Variants in RTEL1 observed in about 807,000 individuals in gnomAD.
RTEL1 encodes regulator of telomere length.
RTEL1 carries 86 observed loss-of-function variants against 162.2 expected under a neutral mutation model. The observed-to-expected ratio is 0.53, with a 90% CI of 0.45 to 0.63. RTEL1 has a LOEUF of 0.63. RTEL1 is among the 30% of genes least tolerant of loss of function. RTEL1 has a pLI of 0.00. For missense variants in RTEL1, 1,941 were observed against 1,750.2 expected (o/e 1.11, Z -1.95); for synonymous variants, 958 against 717.9 (o/e 1.33, Z -5.35).
intron 14 of RTEL1, among the ~76,000 whole-genome samples, chr20:63,682,881 C>T (rs937190497): frequency 1.3e-5 from 2 of 152,248 alleles, no homozygotes; most frequent in African/African-American, 4.8e-5. Context: ...GAACCAGTTG[C>T]CCCTGGGCCC....
At position 63,690,392 on chromosome 20, in the gene RTEL1, A is replaced by T; in HGVS notation, c.2364A>T (p.Lys788Asn). Reference sequence around the variant, plus strand: ...CTGGCCCCTTCTTCTCCACCAGGAAAGCTAAGAGTCTGGACCTGCATGTCC... The same window carrying T: ...CTGGCCCCTTCTTCTCCACCAGGAATGCTAAGAGTCTGGACCTGCATGTCC... ...KSPGPFFSTR[K>N]AKSLDLHVPS... The change falls in exon 26 of 35, where the codon AAA (lysine) becomes AAT (asparagine). Residue 788 changes from lysine to asparagine, a missense_variant. By Grantham distance (94) the Lys-to-Asn change is moderately conservative. Transcript: ENST00000360203. 6.2e-7 allele frequency: 1 copy of T among 1,610,344 alleles called. No individual in the cohort carries two copies. The highest frequency in any genetic ancestry group is 1.7e-4 in the Middle Eastern group (1 of 6,048).
chr20:63,666,671 G>T (rs898851503), intron 7 of RTEL1, among the ~76,000 whole-genome samples: 1 of 151,914 alleles, frequency 6.6e-6, no homozygotes, highest in African/African-American at 2.4e-5. Context: ...AAGTAGCCGG[G>T]ACTGCAGGCA....
In RTEL1 at chr20:63,694,359, A is replaced by G. The variant is rs370761526; in HGVS notation, c.2993-13A>G. 6.3e-6 allele frequency: 10 copies of G among 1,580,116 alleles called. No homozygotes were observed. The African/African-American group carries it at 9.5e-5, about 15-fold the overall frequency. On this transcript the variant is annotated splice_polypyrimidine_tract_variant and intron_variant, in intron 30 of 34. Coordinates refer to ENST00000360203, the MANE Select transcript of RTEL1 (RefSeq NM_001283009.2). ...CTCTCGACCAGCTTTGTGGCTCTAC[A>G]TCTCTTCATCAGGAAGAACGGCGCC...
Position 63,694,378 on chromosome 20 carries a change from C to G in RTEL1, c.2999C>G (p.Thr1000Arg), listed in dbSNP as rs201560152. 2.5e-6 allele frequency: 4 copies of G among 1,573,552 alleles called. No individual in the cohort carries two copies. The highest frequency in any genetic ancestry group is 2.2e-5 in the South Asian group (2 of 90,608). The change falls in exon 31 of 35, where the codon ACG becomes AGG. Residue 1000 changes from threonine (T) to arginine (R), a missense_variant. Thr to Arg is a moderately conservative substitution (Grantham distance 71). Transcript: ENST00000360203. ...CTCTACATCTCTTCATCAGGAAGAA[C>G]GGCGCCGGATCCCAAGCTGACCGTG... is the stretch of plus-strand genomic sequence containing the variant. ...AQPVLDPTGR[T>R]APDPKLTVST...
intron 21 of RTEL1, 110 bp downstream of exon 21, chr20:63,688,715 C>CT: frequency 1.0e-6 from 1 of 966,846 alleles, no homozygotes; most frequent in Non-Finnish European, 1.5e-6. Flanking sequence ...CGGCGGCTCC[C>CT]GCTGCCTCTT....
chr20:63,678,533 A>G (rs1465287424), intron 12 of RTEL1, among the ~76,000 whole-genome samples, 187 bp downstream of exon 12: 1 of 151,748 alleles, frequency 6.6e-6, no homozygotes, highest in Non-Finnish European at 1.5e-5. Flanking sequence ...GGAGCAGCAC[A>G]CACTCCCACG....
rs774941421 is a variant in RTEL1, at chr20:63,690,800, T to C, written c.2414-5T>C. ...GCTTCACTGCGCACTCGGGTGCCCC[T>C]GCAGGGTCACCAGCTGCCGGGGACC... On this transcript the variant is annotated splice_polypyrimidine_tract_variant and splice_region_variant and intron_variant, in intron 26 of 34. Transcript: ENST00000360203. The C allele has an allele frequency of 5.6e-6, 9 of 1,601,060 alleles. No individual in the cohort carries two copies. In the South Asian group the frequency reaches 7.8e-5, roughly 14 times the overall value.
intron 9 of RTEL1, 117 bp from the exon 10 acceptor site, chr20:63,673,823 G>A (rs1220754008): frequency 8.4e-7 from 1 of 1,191,900 alleles, no homozygotes; most frequent in East Asian, 2.4e-5. Flanking sequence ...CCAGGCCAAG[G>A]CTTTGGGAAC....
intron 14 of RTEL1, among the ~76,000 whole-genome samples, chr20:63,683,987 C>T (rs1271453040): frequency 1.5e-5 from 2 of 132,886 alleles, no homozygotes; most frequent in Admixed American, 7.8e-5. Flanking sequence ...ATATTCTTTC[C>T]TTGTCTCATG....
chr20:63,694,457 G>A lies in RTEL1; in HGVS notation c.3078G>A (p.Arg1026=). ...CCCAAGAGCACCTGAACCAGGGCAG[G>A]CCCCACCTGTCGCCCAGGCCACCCC... is the stretch of plus-strand genomic sequence containing the variant. The part of the protein sequence containing the change: ...LDPQEHLNQG[R]PHLSPRPPPT... Residue 1026 remains arginine, a synonymous_variant, in exon 31 of 35, where the codon AGG becomes AGA. Transcript: ENST00000360203. The A allele has an allele frequency of 6.2e-7, 1 of 1,606,014 alleles. No homozygotes were observed. The highest frequency in any genetic ancestry group is 8.5e-7 in the Non-Finnish European group (1 of 1,174,424).
At chr20:63,690,669 C>A in intron 26 of RTEL1, 136 bp from the exon 27 acceptor site, 1 of 1,089,376 alleles carries the variant, frequency 9.2e-7, no homozygotes, top group South Asian at 1.7e-5. Context: ...GCTGAGACTC[C>A]CCCCAATAGC....
At chr20:63,680,889 C>T (rs1251145607) in intron 14 of RTEL1, 170 bp downstream of exon 14, 13 of 982,656 alleles carry the variant, frequency 1.3e-5, no homozygotes, top group Non-Finnish European at 1.6e-5. Context: ...TAAACCCACA[C>T]TGGGCCTCCT....
Position 63,693,627 on chromosome 20 carries a change from ACCT to A in RTEL1, c.2992+347_2992+349del, listed in dbSNP as rs1568721257. On this transcript the variant is annotated intron_variant, in intron 30 of 34. Coordinates refer to ENST00000360203, the MANE Select transcript of RTEL1 (RefSeq NM_001283009.2). Reference sequence around the variant, plus strand: ...CACCACCACCTCCACCTCCACCACCACCTCCACCACCACCACCTCCACCTCCAC... The same window carrying A: ...CACCACCACCTCCACCTCCACCACCACCACCACCACCACCTCCACCTCCAC... Among the ~76,000 whole-genome samples the A allele has an allele frequency of 6.0e-3, 361 of 59,732 alleles. 1 individual carries two copies. The highest frequency in any genetic ancestry group is 0.017 in the East Asian group (38 of 2,266). 39.2% of individuals were successfully genotyped at this position (59,732 alleles called of 152,430 possible).
At chr20:63,669,488 TAAAG>T (rs2090204564) in intron 8 of RTEL1, among the ~76,000 whole-genome samples, 1 of 152,218 alleles carries the variant, frequency 6.6e-6, no homozygotes, top group Non-Finnish European at 1.5e-5. Context: ...AAAAAGCAGT[TAAAG>T]AAAGGGAGAA....
Position 63,687,707 on chromosome 20 carries a change from GCT to G in RTEL1, c.1420_1421del (p.Ser474ProfsTer56). 1 of 1,604,370 alleles carries G rather than the reference GCT, an allele frequency of 6.2e-7. No individual in the cohort carries two copies. The highest frequency in any genetic ancestry group is 8.5e-7 in the Non-Finnish European group (1 of 1,177,062). Reference sequence around the variant, plus strand: ...CACGAGCTGGTCCGCCAGGGCGTCCGCTCCCTCATCCTTACCAGCGGCACGCT... The same window carrying G: ...CACGAGCTGGTCCGCCAGGGCGTCCGCCCTCATCCTTACCAGCGGCACGCT... On this transcript the variant is annotated frameshift_variant, in exon 17 of 35. Coordinates refer to ENST00000360203, the MANE Select transcript of RTEL1 (RefSeq NM_001283009.2). LOFTEE classifies it high-confidence loss of function.
chr20:63,679,907 C>A lies in RTEL1; in HGVS notation c.1096C>A (p.Leu366Met), dbSNP rs1195979662. The change falls in exon 13 of 35, where the codon CTG (leucine) becomes ATG (methionine). Residue 366 changes from leucine (L) to methionine (M), a missense_variant. Physicochemically the swap from Leu to Met is conservative, Grantham distance 15. Transcript: ENST00000360203. ...CACGTTTCAGACCAAGGGCTGCATC[C>A]TGGACTCGCTGGACCAGATCATCCA... ...QITFQTKGCILDSLDQIIQHL... is the reference protein window; with the variant it reads ...QITFQTKGCIMDSLDQIIQHL... The A allele has an allele frequency of 1.9e-6, 3 of 1,612,444 alleles. No homozygotes were observed. Among genetic ancestry groups the A allele is most frequent in the South Asian group, 1.1e-5 (1 of 91,050 alleles).
Position 63,695,786 on chromosome 20 carries a change from G to T in RTEL1, c.3831G>T (p.Arg1277Ser). Reference sequence around the variant, plus strand: ...GGCCGGTTGTCTCACAGGCCTCTAGGATGTGCCCAGCCTGCCACACCGCCT... The same window carrying T: ...GGCCGGTTGTCTCACAGGCCTCTAGTATGTGCCCAGCCTGCCACACCGCCT... ...ACWQRHLQAS[R>S]MCPACHTASR... The change falls in exon 35 of 35, where the codon AGG (arginine) becomes AGT (serine). Residue 1277 changes from arginine to serine, a missense_variant. Coordinates refer to ENST00000360203, the MANE Select transcript of RTEL1 (RefSeq NM_001283009.2). The T allele has an allele frequency of 6.3e-7, 1 of 1,593,498 alleles. No homozygotes were observed. Among genetic ancestry groups the T allele is most frequent in the Non-Finnish European group, 8.5e-7 (1 of 1,170,982 alleles).
In RTEL1 at chr20:63,666,093, G is replaced by T. The variant is rs2090121194; in HGVS notation, c.614+14G>T. 1.9e-6 allele frequency: 3 copies of T among 1,610,212 alleles called. No homozygotes were observed. Among genetic ancestry groups the T allele is most frequent in the Non-Finnish European group, 2.5e-6 (3 of 1,176,650 alleles). The stretch of plus-strand genomic sequence containing the variant: ...AAGCAAGCACAGGTGAGACCCCTCA[G>T]TGAGGCCACGACCACTGTCCTTCCA... On this transcript the variant is annotated intron_variant, in intron 7 of 34. Coordinates refer to ENST00000360203, the MANE Select transcript of RTEL1 (RefSeq NM_001283009.2).
rs764757029 is a variant in RTEL1, at chr20:63,688,608, C to T, written c.1800+3C>T. On this transcript the variant is annotated splice_donor_region_variant and intron_variant, in intron 21 of 34. Coordinates refer to ENST00000360203, the MANE Select transcript of RTEL1 (RefSeq NM_001283009.2). The stretch of plus-strand genomic sequence containing the variant: ...GGAGCAAAGGCAGCTTCTCCGAGGT[C>T]GGCACTTGGCCGGGGCTCTGGGCCT... The T allele has an allele frequency of 1.9e-5, 30 of 1,603,538 alleles. No individual in the cohort carries two copies. The highest frequency in any genetic ancestry group is 6.8e-5 in the Admixed American group (4 of 58,754).
Sources: allele counts gnomAD v4.1 joint callset (sites outside exome capture counted in the v4.1 genomes callset), GRCh38; gene constraint gnomAD v4.1.1; transcripts MANE v1.5; gene names NCBI Gene and HGNC (gene_info 2026-07-23, HGNC 2026-07-21).